Variants in NMT2 observed in about 807,000 individuals in gnomAD.
NMT2 encodes N-myristoyltransferase 2.
In NMT2, 35 loss-of-function variants were observed where a neutral mutation model predicts 65.4. That is an observed-to-expected ratio of 0.54 (90% CI 0.41 to 0.71). The LOEUF is 0.71. Among genes scored for constraint, NMT2 ranks in the 30% least tolerant of loss-of-function variants. The pLI, the probability that NMT2 is intolerant of heterozygous loss-of-function variation, is 0.00. For synonymous variants in NMT2, 226 were observed against 231.8 expected (o/e 0.98, Z 0.23); for missense variants, 489 against 611.3 (o/e 0.80, Z 2.11).
At chr10:15,113,463 C>CAAAAAAAAAAAAAAAAAAAAAA (rs1169255963) in intron 9 of NMT2, among the ~76,000 whole-genome samples, 5 of 36,998 alleles carry the variant, frequency 1.4e-4, no homozygotes, top group African/African-American at 3.7e-4. Context: ...GGATGAGACT[C>CAAAAAAAAAAAAAAAAAAAAAA]AAAAAAAAAA....
chr10:15,146,385 C>T (rs1215886428), intron 1 of NMT2, among the ~76,000 whole-genome samples: 2 of 152,192 alleles, frequency 1.3e-5, no homozygotes, highest in Non-Finnish European at 2.9e-5. Flanking sequence ...TACAGGTGGT[C>T]CAGGATGACA....
At chr10:15,139,858 A>T (rs1846669285) in intron 2 of NMT2, 1 of 114,474 alleles carries the variant, frequency 8.7e-6, no homozygotes, top group Non-Finnish European at 1.8e-5. Context: ...GAATGGTAAC[A>T]ACTACTATAT....
intron 8 of NMT2, among the ~76,000 whole-genome samples, chr10:15,121,508 C>T (rs1361517569): frequency 6.6e-6 from 1 of 152,186 alleles, no homozygotes; most frequent in Non-Finnish European, 1.5e-5. Context: ...ACTGGGATTA[C>T]AGGCACCTGC....
intron 1 of NMT2, among the ~76,000 whole-genome samples, chr10:15,149,541 CCATCACCACCATCATCACCAACAT>C (rs1244951600): frequency 2.6e-5 from 3 of 115,598 alleles, no homozygotes; most frequent in Non-Finnish European, 5.6e-5. Context: ...ATCATCACCA[CCATCACCACCATCATCACCAACAT>C]CATCACCACC....
chr10:15,140,490 C>T (rs1025385219), intron 2 of NMT2, among the ~76,000 whole-genome samples: 1 of 151,772 alleles, frequency 6.6e-6, no homozygotes, highest in African/African-American at 2.4e-5. Context: ...ATTTCTAATT[C>T]TACCCCTTTT....
Position 15,109,850 on chromosome 10 carries a change from A to T in NMT2, c.1339-11T>A, listed in dbSNP as rs772248346. On this transcript the variant is annotated splice_polypyrimidine_tract_variant and intron_variant, in intron 10 of 11. Transcript: ENST00000378165. ...TACATCAAATCCTTTCTGCCAATTT[A>T]AAAAAGATTTAAAATTTAAAACAAA... 1.9e-5 allele frequency: 31 copies of T among 1,592,382 alleles called. No homozygotes were observed. Among genetic ancestry groups the T allele is most frequent in the Middle Eastern group, 1.8e-4 (1 of 5,666 alleles).
At chr10:15,112,177 TA>T (rs1845544215) in intron 10 of NMT2, among the ~76,000 whole-genome samples, 3 of 7,956 alleles carry the variant, frequency 3.8e-4, no homozygotes, top group African/African-American at 1.8e-3. Context: ...ATGGGCTTTA[TA>T]TATATATATA....
chr10:15,112,301 C>A (rs1383448565), intron 10 of NMT2, among the ~76,000 whole-genome samples: 1 of 121,886 alleles, frequency 8.2e-6, no homozygotes, highest in South Asian at 3.1e-4. Context: ...AATCTCAGCT[C>A]CATTGCAACC....
intron 1 of NMT2, among the ~76,000 whole-genome samples, chr10:15,146,224 C>T (rs1274945013): frequency 6.6e-6 from 1 of 152,162 alleles, no homozygotes; most frequent in African/African-American, 2.4e-5. Context: ...CACATTCAGA[C>T]CTCAAGTAGA....
At chr10:15,138,544 T>C (rs1846605272) in intron 2 of NMT2, 1 of 459,134 alleles carries the variant, frequency 2.2e-6, no homozygotes, top group Non-Finnish European at 4.6e-6. Flanking sequence ...ATTCTCTTTT[T>C]CTTCCACACA....
At chr10:15,144,547 T>C (rs1000324792) in intron 1 of NMT2, among the ~76,000 whole-genome samples, 1 of 152,080 alleles carries the variant, frequency 6.6e-6, no homozygotes, top group Non-Finnish European at 1.5e-5. Context: ...CTGACTAACA[T>C]GGTGAAACTG....
chr10:15,151,438 A>T (rs1832799244), intron 1 of NMT2, among the ~76,000 whole-genome samples: 1 of 152,184 alleles, frequency 6.6e-6, no homozygotes, highest in Non-Finnish European at 1.5e-5. Context: ...ATAATGTTAA[A>T]CTATAATAAA....
rs1381618913 is a variant in NMT2, at chr10:15,135,373, T to C, written c.292A>G (p.Met98Val). 5 of 1,614,052 alleles carry C rather than the reference T, an allele frequency of 3.1e-6. No individual in the cohort carries two copies. Among genetic ancestry groups the C allele is most frequent in the African/African-American group, 1.3e-5 (1 of 74,928 alleles). Reference protein sequence around the residue: ...MQKLQDIQRAMELLSACQGPA... With the variant: ...MQKLQDIQRAVELLSACQGPA... Reference sequence around the variant, plus strand: ...CCCTGGCATGCGGATAGCAGCTCCATTGCTCTCTGGATATCCTGCAACTTC... The same window carrying C: ...CCCTGGCATGCGGATAGCAGCTCCACTGCTCTCTGGATATCCTGCAACTTC... The change falls in exon 3 of 12, where the codon ATG becomes GTG. Residue 98 changes from methionine to valine, a missense_variant. Transcript: ENST00000378165.
chr10:15,125,834 T>C (rs1410808494), intron 8 of NMT2, among the ~76,000 whole-genome samples: 3 of 152,096 alleles, frequency 2.0e-5, no homozygotes, highest in African/African-American at 7.2e-5. Flanking sequence ...CCACAGCTAA[T>C]TTTTTAATTT....
At position 15,109,041 on chromosome 10, in the gene NMT2, A is replaced by G. The variant is rs1458134271; in HGVS notation, c.*154T>C. The G allele has an allele frequency of 1.3e-5, 20 of 1,484,074 alleles. No individual in the cohort carries two copies. The South Asian group carries it at 2.3e-4, about 17-fold the overall frequency. The allele number at this position is 1,484,074 out of a possible 1,614,324, so 91.9% of individuals were successfully genotyped here. ...TTAACATTCTAGCTAGAAACGTACA[A>G]ATGTCACATGTGGACTTTTGTCATC... On this transcript the variant is annotated 3_prime_UTR_variant, in exon 12 of 12. Coordinates refer to ENST00000378165, the MANE Select transcript of NMT2 (RefSeq NM_004808.3).
At chr10:15,158,848 G>T (rs1241610748) in intron 1 of NMT2, among the ~76,000 whole-genome samples, 1 of 152,138 alleles carries the variant, frequency 6.6e-6, no homozygotes. Flanking sequence ...GAGCAACAAA[G>T]CACTGGACTC....
At position 15,112,831 on chromosome 10, in the gene NMT2, C is replaced by T; in HGVS notation, c.1303G>A (p.Asp435Asn). 1 of 1,613,918 alleles carries T rather than the reference C, an allele frequency of 6.2e-7. No individual in the cohort carries two copies. The highest frequency in any genetic ancestry group is 8.5e-7 in the Non-Finnish European group (1 of 1,179,946). ...AGGATGAGCGCGTCGCTCATGAGGTCCAGCAGGGGCGTCTCTGTGTGGATG... is the reference window on the plus strand; with the variant it reads ...AGGATGAGCGCGTCGCTCATGAGGTTCAGCAGGGGCGTCTCTGTGTGGATG... ...YNIHTETPLL[D>N]LMSDALILAK... is the part of the protein sequence containing the mutation. Residue 435 changes from aspartate to asparagine, a missense_variant, in exon 10 of 12, where the codon GAC becomes AAC. Physicochemically the swap from Asp to Asn is conservative, Grantham distance 23 (BLOSUM62 1). Coordinates refer to ENST00000378165, the MANE Select transcript of NMT2 (RefSeq NM_004808.3).
intron 9 of NMT2, among the ~76,000 whole-genome samples, chr10:15,115,828 T>A (rs1191701638): frequency 6.6e-6 from 1 of 152,122 alleles, no homozygotes; most frequent in East Asian, 1.9e-4. Context: ...CAAGGAAAAT[T>A]ATTAGAAAGA....
In NMT2 at chr10:15,107,799, G is replaced by T. The variant is rs1003879571; in HGVS notation, c.*1396C>A. ...ATCTGAGTTGAGGCCAGGCTACGTG[G>T]CCTCGGTTAGCATCTTATTTTTCCC... is the stretch of plus-strand genomic sequence containing the variant. On this transcript the variant is annotated 3_prime_UTR_variant, in exon 12 of 12. Coordinates refer to ENST00000378165, the MANE Select transcript of NMT2 (RefSeq NM_004808.3). The T allele has an allele frequency of 2.0e-6, 2 of 985,616 alleles. No homozygotes were observed. The highest frequency in any genetic ancestry group is 1.2e-4 in the Admixed American group (2 of 16,252). 61.1% of individuals were successfully genotyped at this position (985,616 alleles called of 1,614,324 possible). A position where few individuals can be genotyped will look rare whatever the true frequency, so the allele number is the denominator to read the frequency against.
Sources: allele counts gnomAD v4.1 joint callset (sites outside exome capture counted in the v4.1 genomes callset), GRCh38; gene constraint gnomAD v4.1.1; transcripts MANE v1.5; gene names NCBI Gene and HGNC (gene_info 2026-07-23, HGNC 2026-07-21).